Variants in NRG3 observed in about 807,000 individuals in gnomAD.
The protein encoded by NRG3 is pro-neuregulin-3, membrane-bound isoform.
A neutral mutation model predicts 66.9 loss-of-function variants in NRG3; 31 were observed. The ratio of observed to expected loss-of-function variants is 0.46; its 90% CI spans 0.35 to 0.63. NRG3 has a LOEUF of 0.63. Among genes scored for constraint, NRG3 ranks in the 20% least tolerant of loss-of-function variants. NRG3 has a pLI of 0.00. For synonymous variants in NRG3, 393 were observed against 359.4 expected (o/e 1.09, Z -1.06); for missense variants, 910 against 878.9 (o/e 1.04, Z -0.45).
At chr10:82,095,233 C>A (rs2066264172) in intron 1 of NRG3, among the ~76,000 whole-genome samples, 1 of 151,896 alleles carries the variant, frequency 6.6e-6, no homozygotes, top group Admixed American at 6.6e-5. Flanking sequence ...ACTAACCTAG[C>A]AGCCCTGGAC....
At chr10:82,192,916 C>T (rs1042573209) in intron 1 of NRG3, among the ~76,000 whole-genome samples, 10 of 150,902 alleles carry the variant, frequency 6.6e-5, no homozygotes, top group African/African-American at 2.4e-4. Flanking sequence ...TGATATTCAG[C>T]TTGAGATGAT....
chr10:82,916,140 A>G (rs963678397), intron 4 of NRG3, among the ~76,000 whole-genome samples: 1 of 152,128 alleles, frequency 6.6e-6, no homozygotes, highest in African/African-American at 2.4e-5. Context: ...TGTTCTTGTC[A>G]TTGTTTTACT....
chr10:82,003,022 C>A (rs2061234614), intron 1 of NRG3, among the ~76,000 whole-genome samples: 1 of 151,992 alleles, frequency 6.6e-6, no homozygotes, highest in Admixed American at 6.6e-5. Flanking sequence ...TGTGTCTGGA[C>A]AAGTAAAAAC....
chr10:82,190,743 C>T (rs572450726), intron 1 of NRG3, among the ~76,000 whole-genome samples: 77 of 152,290 alleles, frequency 5.1e-4, no homozygotes, highest in African/African-American at 1.8e-3. Flanking sequence ...TCAGCAAGAG[C>T]GCAGCCAAGG....
chr10:82,810,426 T>A (rs1201271373), intron 3 of NRG3, among the ~76,000 whole-genome samples: 1 of 152,124 alleles, frequency 6.6e-6, no homozygotes, highest in East Asian at 1.9e-4. Flanking sequence ...TTGCTTAAAA[T>A]GGACTGGATT....
intron 3 of NRG3, among the ~76,000 whole-genome samples, chr10:82,804,449 G>A (rs146083975): frequency 1.3e-5 from 2 of 152,264 alleles, no homozygotes; most frequent in East Asian, 1.9e-4. Context: ...TATTTCGAAC[G>A]ACAGCAATCA....
intron 2 of NRG3, among the ~76,000 whole-genome samples, chr10:82,463,835 A>G (rs2091635663): frequency 6.6e-6 from 1 of 152,240 alleles, no homozygotes; most frequent in Non-Finnish European, 1.5e-5. Flanking sequence ...AATCGAAAGC[A>G]GGTGCTGTCA....
At chr10:82,968,429 AC>A (rs982446659) in intron 6 of NRG3, among the ~76,000 whole-genome samples, 1 of 152,212 alleles carries the variant, frequency 6.6e-6, no homozygotes, top group African/African-American at 2.4e-5. Flanking sequence ...ACAAATAAAA[AC>A]AACTGTTTAA....
At chr10:82,257,643 T>C (rs1265453185) in intron 1 of NRG3, among the ~76,000 whole-genome samples, 1 of 151,918 alleles carries the variant, frequency 6.6e-6, no homozygotes, top group Non-Finnish European at 1.5e-5. Context: ...GGTGGGCGCC[T>C]GTAATCCCAG....
intron 2 of NRG3, among the ~76,000 whole-genome samples, chr10:82,391,299 C>T (rs1417716910): frequency 6.6e-6 from 1 of 152,088 alleles, no homozygotes; most frequent in Non-Finnish European, 1.5e-5. Flanking sequence ...TTCATACCAC[C>T]TTGCCAGAAA....
chr10:82,734,332 G>T (rs1744203387), intron 2 of NRG3, among the ~76,000 whole-genome samples: 1 of 152,116 alleles, frequency 6.6e-6, no homozygotes, highest in Non-Finnish European at 1.5e-5. Flanking sequence ...GATGTCAAGA[G>T]TAGAAATAGT....
At chr10:82,306,160 T>C (rs1368370765) in intron 1 of NRG3, among the ~76,000 whole-genome samples, 1 of 152,198 alleles carries the variant, frequency 6.6e-6, no homozygotes, top group Non-Finnish European at 1.5e-5. Flanking sequence ...TCTTTGATTA[T>C]TGAACTATGC....
intron 2 of NRG3, among the ~76,000 whole-genome samples, chr10:82,496,053 G>A (rs1461016197): frequency 6.6e-6 from 1 of 152,070 alleles, no homozygotes; most frequent in Non-Finnish European, 1.5e-5. Flanking sequence ...ACTCAGATAT[G>A]GTCTCTCTGA....
intron 3 of NRG3, among the ~76,000 whole-genome samples, chr10:82,842,491 G>T (rs6584979): frequency 0.024 from 3,601 of 152,198 alleles, 155 homozygotes; most frequent in African/African-American, 0.083. Flanking sequence ...ACCTGCAAGG[G>T]CATCTGGTAA....
At chr10:82,093,842 A>G (rs942690980) in intron 1 of NRG3, among the ~76,000 whole-genome samples, 1 of 152,172 alleles carries the variant, frequency 6.6e-6, no homozygotes, top group Admixed American at 6.5e-5. Context: ...TGGAGAACCA[A>G]TATTTTTGGC....
chr10:82,479,489 A>C (rs1842055918), intron 2 of NRG3, among the ~76,000 whole-genome samples: 1 of 104,932 alleles, frequency 9.5e-6, no homozygotes, highest in Non-Finnish European at 2.2e-5. Flanking sequence ...ACCTGAGGTC[A>C]GGAGTTGGAG....
intron 4 of NRG3, among the ~76,000 whole-genome samples, chr10:82,895,701 A>G (rs1843599880): frequency 6.6e-6 from 1 of 152,112 alleles, no homozygotes; most frequent in Non-Finnish European, 1.5e-5. Flanking sequence ...CGTGTTAGCC[A>G]GGATGGTCTC....
At chr10:82,131,772 A>G (rs1020721638) in intron 1 of NRG3, among the ~76,000 whole-genome samples, 1 of 152,018 alleles carries the variant, frequency 6.6e-6, no homozygotes, top group African/African-American at 2.4e-5. Flanking sequence ...GTTTATTCCT[A>G]GGTATTTAAT....
At chr10:82,960,316 A>G (rs1231977464) in intron 6 of NRG3, among the ~76,000 whole-genome samples, 1 of 152,224 alleles carries the variant, frequency 6.6e-6, no homozygotes, top group Non-Finnish European at 1.5e-5. Flanking sequence ...AAACAACCAC[A>G]GTGATGGAGG....
Sources: allele counts gnomAD v4.1 joint callset (sites outside exome capture counted in the v4.1 genomes callset), GRCh38; gene constraint gnomAD v4.1.1; transcripts MANE v1.5; gene names NCBI Gene and HGNC (gene_info 2026-07-23, HGNC 2026-07-21).